Variants in INPP5A observed in about 807,000 individuals in gnomAD.
The protein encoded by INPP5A is 43 kDa inositol polyphosphate 5-phophatase.
INPP5A carries 14 observed loss-of-function variants against 65.2 expected under a neutral mutation model. The observed-to-expected ratio is 0.21, with a 90% CI of 0.14 to 0.34. The LOEUF is 0.34. INPP5A is among the 10% of genes least tolerant of loss of function. The pLI is 1.00. For missense variants in INPP5A, 431 were observed against 545.6 expected (o/e 0.79, Z 2.09); for synonymous variants, 207 against 208.3 (o/e 0.99, Z 0.05).
intron 9 of INPP5A, among the ~76,000 whole-genome samples, chr10:132,748,887 G>A (rs965296689): frequency 6.6e-6 from 1 of 152,220 alleles, no homozygotes; most frequent in Admixed American, 6.5e-5. Context: ...CGGTGTGATC[G>A]CTGGGACCCT....
At position 132,567,108 on chromosome 10, in the gene INPP5A, G is replaced by A. The variant is rs1210416783; in HGVS notation, c.75+28937G>A. On this transcript the variant is annotated intron_variant, in intron 1 of 15. Coordinates refer to ENST00000368594, the MANE Select transcript of INPP5A (RefSeq NM_005539.5). ...AATGTCTGGAGGAGGGAGGCTCCCG[G>A]GTGGGCAAGCAGCTCAGTGATGTCA... Among the ~76,000 whole-genome samples, 4 of 152,246 alleles carry A rather than the reference G, an allele frequency of 2.6e-5. No individual in the cohort carries two copies. The East Asian group carries it at 7.7e-4, about 29-fold the overall frequency.
chr10:132,691,751 A>T (rs971224187), intron 5 of INPP5A, among the ~76,000 whole-genome samples: 38 of 152,352 alleles, frequency 2.5e-4, no homozygotes, highest in African/African-American at 7.9e-4. Flanking sequence ...GTGGTGCGTC[A>T]GGAAGGCATG....
intron 2 of INPP5A, among the ~76,000 whole-genome samples, chr10:132,618,965 A>G (rs2072077764): frequency 1.3e-5 from 2 of 152,224 alleles, no homozygotes; most frequent in Non-Finnish European, 2.9e-5. Flanking sequence ...GACACATTTC[A>G]ACATGAGATT....
intron 3 of INPP5A, among the ~76,000 whole-genome samples, chr10:132,649,454 GTTAC>G (rs139051099): frequency 0.015 from 2,281 of 152,340 alleles, 37 homozygotes; most frequent in South Asian, 0.04. Context: ...CATTGCGAAT[GTTAC>G]GTTGTTTAGT....
At chr10:132,580,577 G>A (rs2071470306) in intron 1 of INPP5A, among the ~76,000 whole-genome samples, 1 of 152,184 alleles carries the variant, frequency 6.6e-6, no homozygotes, top group Non-Finnish European at 1.5e-5. Flanking sequence ...CCATGCTTAG[G>A]GGAAAGAGTC....
chr10:132,575,551 T>C lies in INPP5A; in HGVS notation c.76-32364T>C, dbSNP rs1216959936. Among the ~76,000 whole-genome samples, 1 of 152,208 alleles carries C rather than the reference T, an allele frequency of 6.6e-6. No individual in the cohort carries two copies. The highest frequency in any genetic ancestry group is 1.5e-5 in the Non-Finnish European group (1 of 68,036). On this transcript the variant is annotated intron_variant, in intron 1 of 15. Transcript: ENST00000368594. This position sits in a 1 kb window ranked among gnomAD's most constrained non-coding sequence, Gnocchi z 5.4. The stretch of plus-strand genomic sequence containing the variant: ...GTGAAAAGGGGAAAGCAATGAGCAC[T>C]ATCCTACTTCCCTAACCCAACCACA...
chr10:132,559,564 T>C (rs752556568), intron 1 of INPP5A, among the ~76,000 whole-genome samples: 28 of 152,242 alleles, frequency 1.8e-4, no homozygotes, highest in African/African-American at 5.1e-4. Context: ...GGATGTTTCA[T>C]GCAAATGGAA....
Position 132,705,194 on chromosome 10 carries a change from C to T in INPP5A, c.475-3119C>T, listed in dbSNP as rs1590939821. Among the ~76,000 whole-genome samples, 1 of 152,316 alleles carries T rather than the reference C, an allele frequency of 6.6e-6. No individual in the cohort carries two copies. Among genetic ancestry groups the T allele is most frequent in the Middle Eastern group, 3.4e-3 (1 of 294 alleles). ...CCCACTGATGTGTTTCCATTGCAGA[C>T]ACAGTTACCGACAGGAAATGAACAC... On this transcript the variant is annotated intron_variant, in intron 6 of 15. Coordinates refer to ENST00000368594, the MANE Select transcript of INPP5A (RefSeq NM_005539.5). This position sits in a 1 kb window ranked among gnomAD's most constrained non-coding sequence, Gnocchi z 4.9.
intron 4 of INPP5A, among the ~76,000 whole-genome samples, chr10:132,656,058 G>A (rs1419695438): frequency 2.0e-5 from 3 of 152,254 alleles, no homozygotes; most frequent in African/African-American, 7.2e-5. Context: ...TCAAAGCTTC[G>A]GCTGCTTCAG....
intron 13 of INPP5A, 132 bp from the exon 14 acceptor site, chr10:132,780,717 G>T (rs1045669308): frequency 2.9e-5 from 22 of 771,576 alleles, no homozygotes; most frequent in Admixed American, 1.7e-4. Context: ...CAGAGGCTGG[G>T]GAGGTACTGG....
chr10:132,768,613 G>A (rs12255391), intron 12 of INPP5A, among the ~76,000 whole-genome samples: 2,853 of 152,288 alleles, frequency 0.019, 76 homozygotes, highest in African/African-American at 0.064. Context: ...TGGCCTTCCT[G>A]TGCTTTCCTG....
intron 1 of INPP5A, among the ~76,000 whole-genome samples, chr10:132,593,854 A>C (rs2071649789): frequency 6.6e-6 from 1 of 152,192 alleles, no homozygotes; most frequent in African/African-American, 2.4e-5. Flanking sequence ...GGAAATTTTC[A>C]AAGCTCTTAT....
In INPP5A at chr10:132,675,372, G is replaced by A. The variant is rs576230770; in HGVS notation, c.307-15020G>A. Among the ~76,000 whole-genome samples the A allele has an allele frequency of 2.6e-5, 4 of 152,320 alleles. No homozygotes were observed. The highest frequency in any genetic ancestry group is 2.6e-4 in the Admixed American group (4 of 15,298). On this transcript the variant is annotated intron_variant, in intron 4 of 15. Coordinates refer to ENST00000368594, the MANE Select transcript of INPP5A (RefSeq NM_005539.5). This position sits in a 1 kb window ranked among gnomAD's most constrained non-coding sequence, Gnocchi z 4.2. Reference sequence around the variant, plus strand: ...CAAATGAAAAACAGTAAGTACTAACGGATGTTCTTCAAGCGGAGAGAAAAT... The same window carrying A: ...CAAATGAAAAACAGTAAGTACTAACAGATGTTCTTCAAGCGGAGAGAAAAT...
chr10:132,692,943 A>G (rs146230882), intron 5 of INPP5A, among the ~76,000 whole-genome samples: 89 of 152,364 alleles, frequency 5.8e-4, no homozygotes, highest in African/African-American at 1.4e-3. Flanking sequence ...CTTTTGCTCA[A>G]CGTAACAACA....
intron 8 of INPP5A, among the ~76,000 whole-genome samples, chr10:132,717,733 C>T (rs1291393552): frequency 2.0e-5 from 3 of 147,016 alleles, no homozygotes; most frequent in Non-Finnish European, 4.4e-5. Context: ...GCGCCTTAGA[C>T]AGCTGTCTTC....
Position 132,659,539 on chromosome 10 carries a change from G to A in INPP5A, c.306+9034G>A, listed in dbSNP as rs142587203. Among the ~76,000 whole-genome samples, 3 of 152,312 alleles carry A rather than the reference G, an allele frequency of 2.0e-5. No individual in the cohort carries two copies. The highest frequency in any genetic ancestry group is 2.9e-5 in the Non-Finnish European group (2 of 68,014). On this transcript the variant is annotated intron_variant, in intron 4 of 15. Transcript: ENST00000368594. The surrounding 1 kb of genome is among the most constrained non-coding windows in gnomAD (Gnocchi z 5.5). ...AGGTTATCCAGTGTTCCTTCTCAGC[G>A]AGCAGCTCCCATGGCAGTCCATTCA...
chr10:132,619,325 A>G (rs1490803735), intron 2 of INPP5A, among the ~76,000 whole-genome samples: 1 of 152,216 alleles, frequency 6.6e-6, no homozygotes, highest in Non-Finnish European at 1.5e-5. Context: ...AAGCTCCAAA[A>G]TCATCTCCTC....
At position 132,587,056 on chromosome 10, in the gene INPP5A, C is replaced by T. The variant is rs2786889; in HGVS notation, c.76-20859C>T. Among the ~76,000 whole-genome samples the T allele has an allele frequency of 0.25, 38,355 of 152,252 alleles. 5,621 individuals carry two copies. Among genetic ancestry groups the T allele is most frequent in the East Asian group, 0.5 (2,571 of 5,186 alleles). On this transcript the variant is annotated intron_variant, in intron 1 of 15. Transcript: ENST00000368594. This position sits in a 1 kb window ranked among gnomAD's most constrained non-coding sequence, Gnocchi z 4.3. Reference sequence around the variant, plus strand: ...CGTTACGCTGTCATCAGCAAGATCACTGTCACTAGGACTGCGTGTATTCCA... The same window carrying T: ...CGTTACGCTGTCATCAGCAAGATCATTGTCACTAGGACTGCGTGTATTCCA...
At chr10:132,578,972 A>G (rs2133296697) in intron 1 of INPP5A, among the ~76,000 whole-genome samples, 1 of 152,268 alleles carries the variant, frequency 6.6e-6, no homozygotes, top group South Asian at 2.1e-4. Flanking sequence ...TAAGTGCTGG[A>G]GCTGCCTCTC....
Sources: gnomAD v4.1 joint callset for allele counts (sites outside exome capture counted in the v4.1 genomes callset) on GRCh38, gnomAD v4.1.1 for gene constraint, Gnocchi (gnomAD v3.1) non-coding constraint, MANE v1.5 for transcripts, NCBI Gene and HGNC (gene_info 2026-07-23, HGNC 2026-07-21) for gene names.